The following SLC35C1 variants were observed in gnomAD, a reference collection of about 807,000 sequenced individuals.
SLC35C1 encodes the protein solute carrier family 35 member C1, also known as GDP-fucose transporter 1.
SLC35C1 carries 8 observed loss-of-function variants against 23.2 expected under a neutral mutation model. The observed-to-expected ratio is 0.35, with a 90% CI of 0.20 to 0.62. The LOEUF is 0.62. Among genes scored for constraint, SLC35C1 ranks in the 20% least tolerant of loss-of-function variants. The pLI, the probability that SLC35C1 is intolerant of heterozygous loss-of-function variation, is 0.75. For synonymous variants in SLC35C1, 226 were observed against 225.1 expected, an observed-to-expected ratio of 1.00 and a Z score of -0.04; for missense variants, 422 against 478.6, an observed-to-expected ratio of 0.88 and a Z score of 1.10.
intron 1 of SLC35C1, among the ~76,000 whole-genome samples, chr11:45,809,357 T>G (rs1565042624): frequency 6.6e-6 from 1 of 151,326 alleles, no homozygotes; most frequent in East Asian, 1.9e-4. Context: ...AGAAACTGGG[T>G]TTAGAGGAAG....
rs980151480 is a variant in SLC35C1, at chr11:45,812,794, G to A, written c.*1459G>A. Reference sequence around the variant, plus strand: ...ACCACCCTTCACCACACCCTCCTGCGCTCAGGGTGGCTTGCAGTCCCTGGC... The same window carrying A: ...ACCACCCTTCACCACACCCTCCTGCACTCAGGGTGGCTTGCAGTCCCTGGC... On this transcript the variant is annotated 3_prime_UTR_variant, in exon 2 of 2. Transcript: ENST00000314134. The A allele has an allele frequency of 1.8e-5, 7 of 390,010 alleles. No homozygotes were observed. Among genetic ancestry groups the A allele is most frequent in the East Asian group, 7.2e-5 (1 of 13,900 alleles). 24.2% of individuals were successfully genotyped at this position (390,010 alleles called of 1,614,324 possible).
intron 1 of SLC35C1, chr11:45,810,374 T>G (rs2085925291): frequency 1.0e-6 from 1 of 985,424 alleles, no homozygotes; most frequent in Non-Finnish European, 1.2e-6. Context: ...CACTCATTCT[T>G]CAGAACTCAG....
chr11:45,806,774 T>C (rs2085882572), intron 1 of SLC35C1: 1 of 396,022 alleles, frequency 2.5e-6, no homozygotes, highest in Admixed American at 6.4e-5. Flanking sequence ...TCAAGCAATC[T>C]GGCTTCACAG....
chr11:45,805,103 G>A (rs866494750), upstream of SLC35C1: 9 of 985,900 alleles, frequency 9.1e-6, no homozygotes, highest in Middle Eastern at 5.2e-4. Context: ...GCCACGTGGG[G>A]GCGTGTCAGG....
chr11:45,810,005 G>A (rs2134596046), intron 1 of SLC35C1: 1 of 984,250 alleles, frequency 1.0e-6, no homozygotes, highest in Non-Finnish European at 1.2e-6. Context: ...CCCCAGAAAG[G>A]AGGAGGGTGT....
upstream of SLC35C1, chr11:45,804,408 T>G (rs2085844617): frequency 1.2e-6 from 1 of 856,480 alleles, no homozygotes; most frequent in Admixed American, 6.2e-5. Flanking sequence ...GGGCGCCCAG[T>G]GCACCGGAGG....
upstream of SLC35C1, chr11:45,804,393 G>C (rs1590741106): frequency 2.6e-6 from 2 of 755,068 alleles, no homozygotes; most frequent in African/African-American, 1.9e-5. Flanking sequence ...ACGGGGTCGC[G>C]GGGCGGGCGC....
intron 1 of SLC35C1, 96 bp from the exon 2 acceptor site, chr11:45,810,680 A>C (rs2085928989): frequency 4.0e-6 from 6 of 1,502,738 alleles, no homozygotes; most frequent in Non-Finnish European, 5.3e-6. Context: ...CGCAATACTC[A>C]GTCTGTGAAA....
intron 1 of SLC35C1, chr11:45,809,780 G>C: frequency 1.0e-6 from 1 of 985,456 alleles, no homozygotes; most frequent in Non-Finnish European, 1.2e-6. Context: ...AGATGCTGTG[G>C]CAGGAAGTAT....
Position 45,812,683 on chromosome 11 carries a change from A to C in SLC35C1, c.*1348A>C. On this transcript the variant is annotated 3_prime_UTR_variant, in exon 2 of 2. Transcript: ENST00000314134. ...TGACCCAATCAGCTCCAAAGGCCCC[A>C]CCTCCTAATACTGTCACCTTGGGGG... 2.2e-6 allele frequency: 1 copy of C among 455,492 alleles called. No homozygotes were observed. 28.2% of individuals were successfully genotyped at this position (455,492 alleles called of 1,614,324 possible).
chr11:45,806,040 A>G lies in SLC35C1; in HGVS notation c.239A>G (p.Gln80Arg). The change falls in exon 1 of 2, where the codon CAG becomes CGG. Residue 80 changes from glutamine to arginine, a missense_variant. By Grantham distance (43) the Gln-to-Arg change is conservative (BLOSUM62 1). Coordinates refer to ENST00000314134, the MANE Select transcript of SLC35C1 (RefSeq NM_018389.5). ...ACCCCCATCTTCGTCACCTTCTACC[A>G]GTGCCTGGTGACCACGCTGCTGTGC... ...LDTPIFVTFY[Q>R]CLVTTLLCKG... The G allele has an allele frequency of 6.2e-7, 1 of 1,613,608 alleles. No individual in the cohort carries two copies. The highest frequency in any genetic ancestry group is 8.5e-7 in the Non-Finnish European group (1 of 1,179,952).
upstream of SLC35C1, chr11:45,804,690 G>C: frequency 1.0e-6 from 1 of 985,494 alleles, no homozygotes; most frequent in African/African-American, 1.7e-5. Flanking sequence ...CGGTGAAAAT[G>C]GGGGGAAAGG....
intron 1 of SLC35C1, chr11:45,807,024 C>G: frequency 2.4e-6 from 1 of 422,908 alleles, no homozygotes; most frequent in South Asian, 9.9e-5. Context: ...CTAATTATTT[C>G]ACATATAGCA....
In SLC35C1 at chr11:45,810,975, G is replaced by T; in HGVS notation, c.735G>T (p.Leu245=). 6.2e-7 allele frequency: 1 copy of T among 1,612,752 alleles called. No individual in the cohort carries two copies. The change falls in exon 2 of 2, where the codon CTG becomes CTT. Residue 245 remains leucine (L), a synonymous_variant. Coordinates refer to ENST00000314134, the MANE Select transcript of SLC35C1 (RefSeq NM_018389.5). The stretch of plus-strand genomic sequence containing the variant: ...ACGCCTGCATCCTCTTCCTGCCCCT[G>T]CTCCTGCTGCTCGGGGAGCTTCAGG... ...NVNACILFLP[L]LLLLGELQAL... is the part of the protein sequence containing the mutation.
In SLC35C1 at chr11:45,805,810, G is replaced by A. The variant is rs1213977262; in HGVS notation, c.9G>A (p.Arg3=). 1 of 1,613,484 alleles carries A rather than the reference G, an allele frequency of 6.2e-7. No homozygotes were observed. The highest frequency in any genetic ancestry group is 8.5e-7 in the Non-Finnish European group (1 of 1,179,994). ...CCAGCTCCTCTGCTACCATGAATAG[G>A]GCCCCTCTGAAGCGGTCCAGGATCC... is the stretch of plus-strand genomic sequence containing the variant. MN[R]APLKRSRILH... is the part of the protein sequence containing the mutation. Residue 3 remains arginine, a synonymous_variant, in exon 1 of 2, where the codon AGG becomes AGA. Coordinates refer to ENST00000314134, the MANE Select transcript of SLC35C1 (RefSeq NM_018389.5).
chr11:45,806,431 C>T, intron 1 of SLC35C1, 95 bp downstream of exon 1: 1 of 1,472,152 alleles, frequency 6.8e-7, no homozygotes, highest in East Asian at 2.4e-5. Context: ...TTCATCTGTC[C>T]CAGCTCCTTT....
upstream of SLC35C1, chr11:45,804,324 C>T: frequency 4.0e-6 from 1 of 249,978 alleles, no homozygotes. Context: ...GGGCCCGGGG[C>T]GGAAAGCAGG....
chr11:45,804,608 G>A, upstream of SLC35C1: 2 of 985,862 alleles, frequency 2.0e-6, no homozygotes, highest in Non-Finnish European at 2.4e-6. Context: ...ACTGAAGTCC[G>A]AGAGAGGCGG....
At position 45,810,957 on chromosome 11, in the gene SLC35C1, C is replaced by T. The variant is rs769314569; in HGVS notation, c.717C>T (p.Cys239=). 21 of 1,612,758 alleles carry T rather than the reference C, an allele frequency of 1.3e-5. No homozygotes were observed. The African/African-American group carries it at 2.4e-4, about 18-fold the overall frequency. Residue 239 remains cysteine (C), a synonymous_variant, in exon 2 of 2, where the codon TGC becomes TGT. Transcript: ENST00000314134. ...RLTFYNNVNA[C]ILFLPLLLLL... ...CTTTCTACAACAACGTCAACGCCTG[C>T]ATCCTCTTCCTGCCCCTGCTCCTGC...
Sources: allele counts gnomAD v4.1 joint callset (sites outside exome capture counted in the v4.1 genomes callset), GRCh38; gene constraint gnomAD v4.1.1; transcripts MANE v1.5; gene names NCBI Gene and HGNC (gene_info 2026-07-23, HGNC 2026-07-21).